FGFR2: variants seen among roughly 807,000 people sequenced by gnomAD.
FGFR2 encodes the protein fibroblast growth factor receptor 2, also known as BEK fibroblast growth factor receptor.
FGFR2 carries 19 observed loss-of-function variants against 95.9 expected under a neutral mutation model. That is an observed-to-expected ratio of 0.20 (90% CI 0.14 to 0.29). The LOEUF is 0.29. Ranked by LOEUF, FGFR2 falls within the 10% of genes least tolerant of loss-of-function variation. The pLI is 1.00. For missense variants in FGFR2, 707 were observed against 1,056.9 expected (o/e 0.67, Z 4.59); for synonymous variants, 392 against 393.3 (o/e 1.00, Z 0.04).
chr10:121,529,569 T>C (rs1851826162), intron 6 of FGFR2, among the ~76,000 whole-genome samples: 1 of 152,248 alleles, frequency 6.6e-6, no homozygotes, highest in African/African-American at 2.4e-5. Flanking sequence ...AAGACCACAA[T>C]CTCCCTGATC....
intron 10 of FGFR2, among the ~76,000 whole-genome samples, chr10:121,502,072 T>TAAC (rs2134027688): frequency 6.6e-6 from 1 of 152,228 alleles, no homozygotes; most frequent in South Asian, 2.1e-4. Flanking sequence ...GGGTGGGAGG[T>TAAC]AACAGTTGGG....
intron 4 of FGFR2, among the ~76,000 whole-genome samples, chr10:121,552,239 T>A (rs1277000059): frequency 6.6e-6 from 1 of 152,176 alleles, no homozygotes; most frequent in African/African-American, 2.4e-5. Flanking sequence ...AAAAAAGTTT[T>A]AAATCACAAA....
At chr10:121,562,284 GTTT>G (rs374500237) in intron 4 of FGFR2, among the ~76,000 whole-genome samples, 3 of 142,268 alleles carry the variant, frequency 2.1e-5, no homozygotes, top group Non-Finnish European at 3.1e-5. Context: ...AACAGAGTTT[GTTT>G]TTTTTTTTTT....
chr10:121,517,410 A>G lies in FGFR2; in HGVS notation c.993T>C (p.Asn331=), dbSNP rs748837250. The G allele has an allele frequency of 6.2e-7, 1 of 1,614,254 alleles. No individual in the cohort carries two copies. Among genetic ancestry groups the G allele is most frequent in the Non-Finnish European group, 8.5e-7 (1 of 1,180,048 alleles). The change falls in exon 8 of 18, where the codon AAT becomes AAC. Residue 331 remains asparagine, a synonymous_variant. Coordinates refer to ENST00000358487, the MANE Select transcript of FGFR2 (RefSeq NM_000141.5). The surrounding 1 kb of genome is among the most constrained non-coding windows in gnomAD (Gnocchi z 4.7). ...ATTCCCCAGCGTCCTCAAAAGTTAC[A>G]TTCCGAATATAGAGAACCTCAATCT... ...DKEIEVLYIR[N]VTFEDAGEYT...
At position 121,517,577 on chromosome 10, in the gene FGFR2, G is replaced by A; in HGVS notation, c.940-114C>T. ...GGCTTCAGGGGGTGCTGGCCACTGG[G>A]AGATTCCGACTGCAGCCCATCCACA... On this transcript the variant is annotated intron_variant, in intron 7 of 17. Transcript: ENST00000358487. The surrounding 1 kb of genome is among the most constrained non-coding windows in gnomAD (Gnocchi z 4.7). 8.0e-7 allele frequency: 1 copy of A among 1,242,370 alleles called. No homozygotes were observed. Among genetic ancestry groups the A allele is most frequent in the Non-Finnish European group, 1.2e-6 (1 of 863,922 alleles). The allele number at this position is 1,242,370 out of a possible 1,614,324, so 77.0% of individuals were successfully genotyped here.
At chr10:121,569,142 C>T (rs898428353) in intron 2 of FGFR2, among the ~76,000 whole-genome samples, 17 of 152,092 alleles carry the variant, frequency 1.1e-4, no homozygotes, top group African/African-American at 4.1e-4. Context: ...AAGATGCTTG[C>T]CGTGATTTTT....
At position 121,565,532 on chromosome 10, in the gene FGFR2, T is replaced by C. The variant is rs1013771410; in HGVS notation, c.282A>G (p.Ile94Met). The C allele has an allele frequency of 6.2e-7, 1 of 1,614,214 alleles. No homozygotes were observed. Among genetic ancestry groups the C allele is most frequent in the East Asian group, 2.2e-5 (1 of 44,886 alleles). Reference protein sequence around the residue: ...RTVLIGEYLQIKGATPRDSGL... With the variant: ...RTVLIGEYLQMKGATPRDSGL... ...CGGAGTCTCTAGGCGTGGCGCCCTT[T>C]ATCTGCAAGTACTCCCCAATAAGCA... The change falls in exon 3 of 18, where the codon ATA becomes ATG. Residue 94 changes from isoleucine to methionine, a missense_variant. Ile to Met is a conservative substitution (Grantham distance 10). This residue lies in a region of FGFR2 where 178 missense variants were observed against 194.1 expected (regional missense o/e 0.92). Transcript: ENST00000358487.
intron 2 of FGFR2, among the ~76,000 whole-genome samples, chr10:121,582,552 T>C (rs996953944): frequency 6.6e-6 from 1 of 152,100 alleles, no homozygotes; most frequent in Admixed American, 6.6e-5. Flanking sequence ...CCCAGCACTT[T>C]GGGAGGCTGA....
At chr10:121,566,866 C>T (rs963401563) in intron 2 of FGFR2, among the ~76,000 whole-genome samples, 4 of 152,070 alleles carry the variant, frequency 2.6e-5, no homozygotes, top group Admixed American at 6.5e-5. Flanking sequence ...ATATGCAGCA[C>T]GGGATTGGAC....
chr10:121,509,280 T>C (rs1352526549), intron 9 of FGFR2, among the ~76,000 whole-genome samples: 2 of 152,138 alleles, frequency 1.3e-5, no homozygotes, highest in East Asian at 3.9e-4. Flanking sequence ...GGCATTTTTT[T>C]TTAAGCATGT....
At chr10:121,581,761 T>TAAA (rs55911512) in intron 2 of FGFR2, among the ~76,000 whole-genome samples, 25 of 62,590 alleles carry the variant, frequency 4.0e-4, no homozygotes, top group African/African-American at 1.2e-3. Context: ...ACCCTGCATT[T>TAAA]AAAAAAAAAA....
At chr10:121,564,338 G>T in intron 4 of FGFR2, 164 bp downstream of exon 4, 1 of 681,548 alleles carries the variant, frequency 1.5e-6, no homozygotes, top group East Asian at 2.6e-5. Flanking sequence ...CAGCAACACT[G>T]GTTTATTCTC....
chr10:121,497,399 T>C (rs1017113946), intron 12 of FGFR2, among the ~76,000 whole-genome samples: 1 of 152,206 alleles, frequency 6.6e-6, no homozygotes, highest in African/African-American at 2.4e-5. Context: ...TTTAATCACA[T>C]AAATGAATAA....
At chr10:121,597,004 T>C (rs1322622020) in intron 1 of FGFR2, among the ~76,000 whole-genome samples, 1 of 152,320 alleles carries the variant, frequency 6.6e-6, no homozygotes, top group Non-Finnish European at 1.5e-5. Flanking sequence ...TGATAGCGTT[T>C]CACACCAAAC....
In FGFR2 at chr10:121,589,976, T is replaced by C. The variant is rs564072746; in HGVS notation, c.109+3733A>G. Among the ~76,000 whole-genome samples, 22 of 152,372 alleles carry C rather than the reference T, an allele frequency of 1.4e-4. No homozygotes were observed. The South Asian group carries it at 4.1e-3, about 29-fold the overall frequency. On this transcript the variant is annotated intron_variant, in intron 2 of 17. Transcript: ENST00000358487. ...AATTAAATGCGTATGGTTAATATTA[T>C]GGCATTTACAATACTTCTAACAAAG...
chr10:121,498,503 G>A lies in FGFR2; in HGVS notation c.1664C>T (p.Thr555Ile). 1 of 1,601,660 alleles carries A rather than the reference G, an allele frequency of 6.2e-7. No homozygotes were observed. Among genetic ancestry groups the A allele is most frequent in the Non-Finnish European group, 8.6e-7 (1 of 1,168,612 alleles). Residue 555 changes from threonine (T) to isoleucine (I), a missense_variant, in exon 12 of 18, where the codon ACA becomes ATA. Thr to Ile is a moderately conservative substitution (Grantham distance 89). Coordinates refer to ENST00000358487, the MANE Select transcript of FGFR2 (RefSeq NM_000141.5). ...TTTTTCCTCCTACTCACCATCCTGT[G>A]TGCAGGCTCCAAGAAGATTTATGAT... ...KNIINLLGAC[T>I]QDGPLYVIVE...
At chr10:121,494,609 A>C (rs1846535897) in intron 13 of FGFR2, among the ~76,000 whole-genome samples, 1 of 152,142 alleles carries the variant, frequency 6.6e-6, no homozygotes, top group African/African-American at 2.4e-5. Context: ...GCAGAAAAGG[A>C]GGGATGGCAC....
rs1433243333 is a variant in FGFR2 at position 121,515,117 on chromosome 10, T to C, written c.1287A>G (p.Thr429=). 1 of 1,614,064 alleles carries C rather than the reference T, an allele frequency of 6.2e-7. No individual in the cohort carries two copies. The highest frequency in any genetic ancestry group is 1.1e-5 in the South Asian group (1 of 91,062). The stretch of plus-strand genomic sequence containing the variant: ...TTCTTTAAACTCTTTATCTACTTTC[T>C]GTTACCTGTCTCCGCAGGGGGATAC... ...TKRIPLRRQV[T]VSAESSSSMN... is the part of the protein sequence containing the mutation. Residue 429 remains threonine (T), a splice_region_variant and synonymous_variant, in exon 9 of 18, where the codon ACA becomes ACG. Transcript: ENST00000358487.
At chr10:121,593,665 A>T in intron 2 of FGFR2, 44 bp downstream of exon 2, 1 of 1,569,744 alleles carries the variant, frequency 6.4e-7, no homozygotes, top group South Asian at 1.1e-5. Context: ...CTGCCCCCAG[A>T]CAAATCCCAA....
Sources: gnomAD v4.1 joint callset for allele counts (sites outside exome capture counted in the v4.1 genomes callset) on GRCh38, gnomAD v4.1.1 for gene constraint, gnomAD v4.1.1 regional missense constraint, Gnocchi (gnomAD v3.1) non-coding constraint, MANE v1.5 for transcripts, NCBI Gene and HGNC (gene_info 2026-07-23, HGNC 2026-07-21) for gene names.